The following ARHGEF7 variants were observed in gnomAD, a reference collection of about 807,000 sequenced individuals.
ARHGEF7 encodes PAK-interacting exchange factor beta.
ARHGEF7 carries 33 observed loss-of-function variants against 109.8 expected under a neutral mutation model. The ratio of observed to expected loss-of-function variants is 0.30; its 90% CI spans 0.23 to 0.40. The LOEUF (loss-of-function observed/expected upper bound fraction) is 0.40. ARHGEF7 is among the 10% of genes least tolerant of loss of function. ARHGEF7 has a pLI of 1.00. For synonymous variants in ARHGEF7, 458 were observed against 424.6 expected (o/e 1.08, Z -0.97); for missense variants, 938 against 1,098.5 (o/e 0.85, Z 2.07).
At chr13:111,283,665 A>C (rs1306364864) in intron 16 of ARHGEF7, among the ~76,000 whole-genome samples, 3 of 152,220 alleles carry the variant, frequency 2.0e-5, no homozygotes, top group Non-Finnish European at 4.4e-5. Context: ...CGCTGAGCCC[A>C]GGTGGCTTTC....
intron 2 of ARHGEF7, among the ~76,000 whole-genome samples, chr13:111,166,545 C>T (rs2077145771): frequency 6.6e-6 from 1 of 152,200 alleles, no homozygotes. Context: ...ACAGTCCCGT[C>T]AGCATAGGTA....
chr13:111,225,343 G>A (rs2085052510), intron 5 of ARHGEF7, among the ~76,000 whole-genome samples: 1 of 152,108 alleles, frequency 6.6e-6, no homozygotes, highest in Admixed American at 6.5e-5. Flanking sequence ...GAGCTCATGT[G>A]GGGAAGAGCA....
chr13:111,181,909 TTTCAGG>T (rs1205753304), intron 2 of ARHGEF7, among the ~76,000 whole-genome samples: 2 of 152,164 alleles, frequency 1.3e-5, no homozygotes, highest in Non-Finnish European at 2.9e-5. Flanking sequence ...CCTGTGAGCT[TTTCAGG>T]TTGATGTGTT....
chr13:111,302,802 C>G (rs1039938907), intron 21 of ARHGEF7, among the ~76,000 whole-genome samples, 189 bp from the exon 22 acceptor site: 1 of 152,192 alleles, frequency 6.6e-6, no homozygotes. Context: ...GCAGCACAGT[C>G]AGGAGCACCG....
chr13:111,140,469 T>C (rs1271825227), intron 1 of ARHGEF7, among the ~76,000 whole-genome samples: 4 of 152,042 alleles, frequency 2.6e-5, no homozygotes, highest in Admixed American at 2.6e-4. Flanking sequence ...AAAGGAATGA[T>C]GTGAAGATCT....
intron 5 of ARHGEF7, among the ~76,000 whole-genome samples, chr13:111,227,699 C>G (rs1234813206): frequency 6.6e-6 from 1 of 152,208 alleles, no homozygotes; most frequent in Non-Finnish European, 1.5e-5. Context: ...TACCTTCTTC[C>G]TCCTACTTTC....
chr13:111,213,317 G>T (rs2082723765), intron 4 of ARHGEF7, among the ~76,000 whole-genome samples: 1 of 152,138 alleles, frequency 6.6e-6, no homozygotes, highest in African/African-American at 2.4e-5. Context: ...GGGCAGTGGG[G>T]GAACTGTCTT....
chr13:111,134,184 G>A (rs1238005273), intron 1 of ARHGEF7, among the ~76,000 whole-genome samples: 1 of 152,060 alleles, frequency 6.6e-6, no homozygotes, highest in Non-Finnish European at 1.5e-5. Context: ...TCTTAATCCA[G>A]TCTATCATTG....
At chr13:111,138,671 G>T (rs1421401796) in intron 1 of ARHGEF7, among the ~76,000 whole-genome samples, 2 of 152,032 alleles carry the variant, frequency 1.3e-5, no homozygotes, top group Admixed American at 1.3e-4. Flanking sequence ...CCGTCCTTTC[G>T]GCAAAACCAA....
At chr13:111,144,707 G>T (rs2075502454) in intron 1 of ARHGEF7, 1 of 152,228 alleles carries the variant, frequency 6.6e-6, no homozygotes, top group Non-Finnish European at 1.5e-5. Flanking sequence ...GCATGACATG[G>T]TGGAGATCTG....
intron 4 of ARHGEF7, among the ~76,000 whole-genome samples, chr13:111,212,505 G>A (rs1481388667): frequency 6.6e-6 from 1 of 152,196 alleles, no homozygotes; most frequent in East Asian, 1.9e-4. Flanking sequence ...GATTGGTACA[G>A]CCTTGAGTGC....
intron 19 of ARHGEF7, among the ~76,000 whole-genome samples, chr13:111,300,380 C>T (rs1421358660): frequency 6.6e-6 from 1 of 152,178 alleles, no homozygotes; most frequent in Non-Finnish European, 1.5e-5. Flanking sequence ...TGATTGGTCT[C>T]ATATGTCTTT....
In ARHGEF7 at chr13:111,145,572, C is replaced by T. The variant is rs975306905; in HGVS notation, c.166-8333C>T. Among the ~76,000 whole-genome samples, 7 of 152,098 alleles carry T rather than the reference C, an allele frequency of 4.6e-5. No individual in the cohort carries two copies. Among genetic ancestry groups the T allele is most frequent in the Admixed American group, 3.9e-4 (6 of 15,276 alleles). ...GGCTGTCTGGGAGGGGTGGCCCTGG[C>T]GTGTACCGTTTGCTGATTTCTGTGC... On this transcript the variant is annotated intron_variant, in intron 1 of 21. Transcript: ENST00000646102. This position sits in a 1 kb window ranked among gnomAD's most constrained non-coding sequence, Gnocchi z 4.3.
At chr13:111,223,017 T>A (rs1033943432) in intron 5 of ARHGEF7, among the ~76,000 whole-genome samples, 2 of 152,370 alleles carry the variant, frequency 1.3e-5, no homozygotes, top group South Asian at 4.1e-4. Context: ...TTAGTTGTTG[T>A]TAATCCATTA....
chr13:111,170,581 C>T (rs1338962744), intron 2 of ARHGEF7, among the ~76,000 whole-genome samples: 2 of 152,218 alleles, frequency 1.3e-5, no homozygotes, highest in Non-Finnish European at 2.9e-5. Context: ...CTCAAGCCTT[C>T]CTGCCTTTAC....
rs2093622254 is a variant in ARHGEF7 at position 111,304,448 on chromosome 13, A to G, written c.*1335A>G. 1 of 151,910 alleles carries G rather than the reference A, an allele frequency of 6.6e-6. No individual in the cohort carries two copies. The highest frequency in any genetic ancestry group is 1.5e-5 in the Non-Finnish European group (1 of 68,024). The allele number at this position is 151,910 out of a possible 1,614,324, so 9.4% of individuals were successfully genotyped here. A position where few individuals can be genotyped will look rare whatever the true frequency, so the allele number is the denominator to read the frequency against. The stretch of plus-strand genomic sequence containing the variant: ...TTTAAAGTGAGATACACTTTTCCGT[A>G]GAACAAGTGTTCTATCTTTAAAAAC... On this transcript the variant is annotated 3_prime_UTR_variant, in exon 22 of 22. Coordinates refer to ENST00000646102, the MANE Select transcript of ARHGEF7 (RefSeq NM_001354046.2).
rs997359708 is a variant in ARHGEF7 at position 111,255,523 on chromosome 13, T to C, written c.950+11229T>C. On this transcript the variant is annotated intron_variant, in intron 8 of 21. Coordinates refer to ENST00000646102, the MANE Select transcript of ARHGEF7 (RefSeq NM_001354046.2). This position sits in a 1 kb window ranked among gnomAD's most constrained non-coding sequence, Gnocchi z 4.1. ...AACCATCTGCAAATGCTCGGGGCCC[T>C]ACTTGGCGTCTGGAGCTGAGTTCTC... 3.3e-5 allele frequency among the ~76,000 whole-genome samples: 5 copies of C among 152,222 alleles called. No homozygotes were observed. Among genetic ancestry groups the C allele is most frequent in the Admixed American group, 3.3e-4 (5 of 15,284 alleles).
intron 2 of ARHGEF7, among the ~76,000 whole-genome samples, chr13:111,164,937 A>G (rs1011481350): frequency 2.0e-5 from 3 of 152,184 alleles, no homozygotes; most frequent in African/African-American, 4.8e-5. Flanking sequence ...CCTGTCAGTG[A>G]TAAGGACCCG....
chr13:111,116,076 A>G (rs1188688917), intron 1 of ARHGEF7, among the ~76,000 whole-genome samples: 1 of 152,070 alleles, frequency 6.6e-6, no homozygotes, highest in Non-Finnish European at 1.5e-5. Context: ...GGTGCGGCTC[A>G]CTCCGCTGGC....
Sources: allele counts gnomAD v4.1 joint callset (sites outside exome capture counted in the v4.1 genomes callset), GRCh38; gene constraint gnomAD v4.1.1; non-coding constraint Gnocchi (gnomAD v3.1); transcripts MANE v1.5; gene names NCBI Gene and HGNC (gene_info 2026-07-23, HGNC 2026-07-21).